The following NTM variants were observed in gnomAD, a reference collection of about 807,000 sequenced individuals.
NTM encodes IgLON family member 2.
Under a neutral mutation model 42.1 loss-of-function variants are expected in NTM, and 13 were observed. That is an observed-to-expected ratio of 0.31 (90% CI 0.20 to 0.49). NTM has a LOEUF of 0.49. Among genes scored for constraint, NTM ranks in the 20% least tolerant of loss-of-function variants. NTM has a pLI of 0.99. For missense variants in NTM, 373 were observed against 452.8 expected, an observed-to-expected ratio of 0.82 and a Z score of 1.60; for synonymous variants, 187 against 179.2, an observed-to-expected ratio of 1.04 and a Z score of -0.35.
At chr11:132,301,271 C>G (rs1364662580) in intron 4 of NTM, among the ~76,000 whole-genome samples, 2 of 152,122 alleles carry the variant, frequency 1.3e-5, no homozygotes, top group Non-Finnish European at 2.9e-5. Flanking sequence ...AGAACTAACT[C>G]ACTATCATGA....
rs944084204 is a variant in NTM, at chr11:132,291,816, G to A, written c.527-15873G>A. On this transcript the variant is annotated intron_variant, in intron 4 of 8. Transcript: ENST00000683400. ...AAGTCTTTTAAGAAAATGCTAAGAT[G>A]TGTGCCATGAATTTGGACACATGGA... is the stretch of plus-strand genomic sequence containing the variant. Among the ~76,000 whole-genome samples the A allele has an allele frequency of 3.3e-5, 5 of 152,214 alleles. No homozygotes were observed. In the South Asian group the frequency reaches 8.3e-4, roughly 25 times the overall value.
chr11:132,314,738 G>A (rs770155206), intron 7 of NTM, 35 bp downstream of exon 7: 2 of 1,593,866 alleles, frequency 1.3e-6, no homozygotes, highest in Non-Finnish European at 1.7e-6. Flanking sequence ...AAGAAGAGGG[G>A]AGAGGGTGCA....
intron 4 of NTM, among the ~76,000 whole-genome samples, chr11:132,224,047 C>T (rs78960371): frequency 0.011 from 1,676 of 152,246 alleles, 24 homozygotes; most frequent in African/African-American, 0.036. Flanking sequence ...GAAGAGAGGG[C>T]GGAGCAACAT....
intron 2 of NTM, among the ~76,000 whole-genome samples, chr11:132,078,960 C>T (rs891126230): frequency 5.3e-5 from 8 of 152,094 alleles, no homozygotes; most frequent in South Asian, 2.1e-4. Flanking sequence ...CAAGAGCATC[C>T]GACCTGATTT....
intron 2 of NTM, among the ~76,000 whole-genome samples, chr11:131,965,854 C>T (rs1278441254): frequency 6.8e-6 from 1 of 147,648 alleles, no homozygotes; most frequent in Admixed American, 7.0e-5. Flanking sequence ...GTAAACACTG[C>T]ATAAGAATAC....
At chr11:131,598,558 C>T (rs117142583) in intron 1 of NTM, among the ~76,000 whole-genome samples, 3 of 152,080 alleles carry the variant, frequency 2.0e-5, no homozygotes, top group African/African-American at 7.2e-5. Context: ...GAGAGCTCCC[C>T]CCTCCATTAG....
intron 1 of NTM, among the ~76,000 whole-genome samples, chr11:131,717,896 C>T (rs1258045576): frequency 1.3e-5 from 2 of 152,072 alleles, no homozygotes; most frequent in Non-Finnish European, 2.9e-5. Flanking sequence ...TCTTAATTTG[C>T]TGAGAGGTTT....
intron 1 of NTM, among the ~76,000 whole-genome samples, chr11:131,590,267 C>G (rs147631847): frequency 6.6e-6 from 1 of 152,294 alleles, no homozygotes; most frequent in Non-Finnish European, 1.5e-5. Context: ...TGTCATCATT[C>G]AATTCCCATG....
At chr11:131,550,068 A>T (rs1251815287) in intron 1 of NTM, among the ~76,000 whole-genome samples, 1 of 152,230 alleles carries the variant, frequency 6.6e-6, no homozygotes, top group Non-Finnish European at 1.5e-5. Flanking sequence ...GAATCATGGC[A>T]TGAGAATCAA....
chr11:132,236,977 G>C (rs770173061), intron 4 of NTM, among the ~76,000 whole-genome samples: 1 of 151,990 alleles, frequency 6.6e-6, no homozygotes, highest in Non-Finnish European at 1.5e-5. Context: ...CCAGCTGTCA[G>C]AGTCTGGAAG....
intron 1 of NTM, among the ~76,000 whole-genome samples, chr11:131,714,735 T>C (rs2077513317): frequency 6.6e-6 from 1 of 152,188 alleles, no homozygotes; most frequent in Admixed American, 6.6e-5. Flanking sequence ...CATCTCTTCA[T>C]GTACAGTTGT....
At chr11:131,455,251 C>T (rs1950782067) in intron 1 of NTM, among the ~76,000 whole-genome samples, 2 of 152,166 alleles carry the variant, frequency 1.3e-5, no homozygotes, top group East Asian at 3.9e-4. Flanking sequence ...TAAGGCTTGG[C>T]CACAGGTTTA....
At chr11:131,772,265 T>A (rs1038122764) in intron 1 of NTM, among the ~76,000 whole-genome samples, 1 of 152,166 alleles carries the variant, frequency 6.6e-6, no homozygotes, top group African/African-American at 2.4e-5. Flanking sequence ...AATTCTAAGA[T>A]AACCCTCTAG....
chr11:132,303,380 C>T (rs953858837), intron 4 of NTM, among the ~76,000 whole-genome samples: 20 of 152,194 alleles, frequency 1.3e-4, no homozygotes, highest in Admixed American at 2.6e-4. Flanking sequence ...TTCCTTGGCT[C>T]CTAGAAGCAT....
chr11:131,519,177 C>A (rs113197682), intron 1 of NTM, among the ~76,000 whole-genome samples: 2 of 150,836 alleles, frequency 1.3e-5, no homozygotes, highest in African/African-American at 4.9e-5. Context: ...AAATTGAGAG[C>A]CAGGGGACAT....
At chr11:131,378,824 G>T (rs1319205482) in intron 1 of NTM, among the ~76,000 whole-genome samples, 1 of 152,110 alleles carries the variant, frequency 6.6e-6, no homozygotes, top group East Asian at 1.9e-4. Context: ...CCCTCCCCAG[G>T]AATCAGTTAT....
chr11:132,258,206 G>T (rs989912718), intron 4 of NTM, among the ~76,000 whole-genome samples: 1 of 152,190 alleles, frequency 6.6e-6, no homozygotes, highest in African/African-American at 2.4e-5. Flanking sequence ...AGTTGGTCTG[G>T]CAGAAAGGAC....
chr11:131,633,440 G>C (rs1028914605), intron 1 of NTM, among the ~76,000 whole-genome samples: 8 of 152,138 alleles, frequency 5.3e-5, no homozygotes, highest in African/African-American at 1.9e-4. Flanking sequence ...TTTCTATAAA[G>C]TTTTGAAGGT....
Position 131,704,802 on chromosome 11 carries a change from G to A in NTM, c.83-206762G>A, listed in dbSNP as rs114384120. ...AAACCATTTTAAAAAACAGAAATCC[G>A]GAGATGAAGAACATACTGACTGAAC... is the stretch of plus-strand genomic sequence containing the variant. On this transcript the variant is annotated intron_variant, in intron 1 of 8. Transcript: ENST00000683400. Among the ~76,000 whole-genome samples, 1,196 of 152,208 alleles carry A rather than the reference G, an allele frequency of 7.9e-3. 18 individuals are homozygous for A. The highest frequency in any genetic ancestry group is 0.023 in the African/African-American group (964 of 41,554).
Sources: gnomAD v4.1 joint callset for allele counts (sites outside exome capture counted in the v4.1 genomes callset) on GRCh38, gnomAD v4.1.1 for gene constraint, MANE v1.5 for transcripts, NCBI Gene and HGNC (gene_info 2026-07-23, HGNC 2026-07-21) for gene names.